Variants in CTNND2 observed in about 807,000 individuals in gnomAD.
CTNND2 encodes catenin delta 2.
CTNND2 carries 22 observed loss-of-function variants against 144.4 expected under a neutral mutation model. The ratio of observed to expected loss-of-function variants is 0.15; its 90% CI spans 0.11 to 0.22. The LOEUF (loss-of-function observed/expected upper bound fraction) is 0.22, where lower values mean the gene tolerates loss of function less well. CTNND2 is among the 10% of genes least tolerant of loss of function. The pLI, the probability that CTNND2 is intolerant of heterozygous loss-of-function variation, is 1.00. For missense variants in CTNND2, 1,353 were observed against 1,618.8 expected (o/e 0.84, Z 2.82); for synonymous variants, 751 against 695.6 (o/e 1.08, Z -1.25).
At chr5:11,508,367 T>A (rs1054441558) in intron 3 of CTNND2, 1 of 152,166 alleles carries the variant, frequency 6.6e-6, no homozygotes, top group African/African-American at 2.4e-5. Flanking sequence ...AAGCAAACAA[T>A]TGCCATGTTC....
intron 3 of CTNND2, among the ~76,000 whole-genome samples, chr5:11,502,534 T>C (rs1770640978): frequency 6.6e-6 from 1 of 152,218 alleles, no homozygotes; most frequent in South Asian, 2.1e-4. Flanking sequence ...AAATTATTAA[T>C]ATATGTGTAT....
intron 1 of CTNND2, among the ~76,000 whole-genome samples, chr5:11,877,622 CTTTCA>C (rs1735662446): frequency 6.6e-6 from 1 of 152,014 alleles, no homozygotes. Flanking sequence ...TATTGAGAAG[CTTTCA>C]TTTCATATTA....
At chr5:11,285,817 T>C (rs1257205755) in intron 9 of CTNND2, among the ~76,000 whole-genome samples, 5 of 152,214 alleles carry the variant, frequency 3.3e-5, no homozygotes, top group African/African-American at 1.2e-4. Flanking sequence ...GGTTGAGAGT[T>C]AAAAGCCAGG....
intron 5 of CTNND2, among the ~76,000 whole-genome samples, chr5:11,409,112 T>C (rs1473222674): frequency 1.3e-5 from 2 of 152,064 alleles, no homozygotes; most frequent in Non-Finnish European, 2.9e-5. Context: ...CTGTTTTTAC[T>C]AAAAAATGTT....
At chr5:11,186,143 C>T (rs553219411) in intron 11 of CTNND2, among the ~76,000 whole-genome samples, 3 of 152,350 alleles carry the variant, frequency 2.0e-5, no homozygotes, top group African/African-American at 4.8e-5. Context: ...TCTCACGTCA[C>T]CAGCCCTAAT....
At chr5:11,365,233 G>T (rs1756863418) in intron 7 of CTNND2, among the ~76,000 whole-genome samples, 1 of 152,200 alleles carries the variant, frequency 6.6e-6, no homozygotes. Flanking sequence ...CTAAAAATCT[G>T]TTATTAGCCC....
chr5:11,507,887 C>T (rs1242514381), intron 3 of CTNND2, among the ~76,000 whole-genome samples: 1 of 152,050 alleles, frequency 6.6e-6, no homozygotes, highest in Non-Finnish European at 1.5e-5. Flanking sequence ...GCACAATGTT[C>T]CAAAATACTC....
intron 1 of CTNND2, among the ~76,000 whole-genome samples, chr5:11,797,305 T>C (rs1052852359): frequency 4.6e-5 from 7 of 152,190 alleles, no homozygotes; most frequent in African/African-American, 1.7e-4. Flanking sequence ...TGTCACAGCC[T>C]GGCACTTGCC....
In CTNND2 at chr5:10,973,784, C is replaced by T; in HGVS notation, c.3418-71G>A. 1.3e-6 allele frequency: 2 copies of T among 1,489,242 alleles called. No individual in the cohort carries two copies. The highest frequency in any genetic ancestry group is 9.0e-7 in the Non-Finnish European group (1 of 1,114,476). 92.3% of individuals were successfully genotyped at this position (1,489,242 alleles called of 1,614,324 possible). On this transcript the variant is annotated intron_variant, in intron 21 of 21. Coordinates refer to ENST00000304623, the MANE Select transcript of CTNND2 (RefSeq NM_001332.4). This position sits in a 1 kb window ranked among gnomAD's most constrained non-coding sequence, Gnocchi z 5.6. ...ACTCAGCCTGCCTCTTGCCCCGGCACCCAACTCTCCTTCAAAGAATAGGCT... is the reference window on the plus strand; with the variant it reads ...ACTCAGCCTGCCTCTTGCCCCGGCATCCAACTCTCCTTCAAAGAATAGGCT...
At chr5:11,399,237 TC>T (rs545508003) in intron 5 of CTNND2, among the ~76,000 whole-genome samples, 2 of 151,806 alleles carry the variant, frequency 1.3e-5, no homozygotes, top group African/African-American at 4.8e-5. Flanking sequence ...CAGCCTCTCC[TC>T]CCCCCTTGAG....
intron 3 of CTNND2, among the ~76,000 whole-genome samples, chr5:11,480,580 T>A (rs1014331874): frequency 6.6e-6 from 1 of 152,110 alleles, no homozygotes; most frequent in African/African-American, 2.4e-5. Flanking sequence ...GAAATTACTT[T>A]GACATGTTTC....
rs61749807 is a variant in CTNND2, at chr5:11,394,962, A to G, written c.612+2069T>C. The stretch of plus-strand genomic sequence containing the variant: ...TTATTGACCATACTCACTTGGTCTG[A>G]CATCTGTTAGCCATCGTTTGAATTA... On this transcript the variant is annotated intron_variant, in intron 6 of 21. Coordinates refer to ENST00000304623, the MANE Select transcript of CTNND2 (RefSeq NM_001332.4). 9.6e-3 allele frequency among the ~76,000 whole-genome samples: 1,467 copies of G among 152,342 alleles called. 20 individuals are homozygous for G. Among genetic ancestry groups the G allele is most frequent in the African/African-American group, 0.033 (1,392 of 41,582 alleles).
At chr5:11,058,508 A>G (rs567196592) in intron 16 of CTNND2, among the ~76,000 whole-genome samples, 1 of 152,342 alleles carries the variant, frequency 6.6e-6, no homozygotes, top group Admixed American at 6.5e-5. Context: ...TAGATTTCAG[A>G]AGATGCATGG....
chr5:11,895,867 AT>A (rs1737356904), intron 1 of CTNND2, among the ~76,000 whole-genome samples: 1 of 152,206 alleles, frequency 6.6e-6, no homozygotes, highest in East Asian at 1.9e-4. Context: ...CCTCAGGAAT[AT>A]TAATAGAGAA....
At chr5:11,156,813 GAAGT>G (rs557826510) in intron 12 of CTNND2, among the ~76,000 whole-genome samples, 33 of 152,192 alleles carry the variant, frequency 2.2e-4, no homozygotes, top group Non-Finnish European at 2.9e-4. Flanking sequence ...GGAAGAATTT[GAAGT>G]AAGAAAGAAG....
At chr5:11,005,729 A>G (rs184980712) in intron 18 of CTNND2, among the ~76,000 whole-genome samples, 1 of 152,346 alleles carries the variant, frequency 6.6e-6, no homozygotes, top group East Asian at 1.9e-4. Context: ...CACTGGATGT[A>G]TGGACAGTTA....
chr5:11,804,153 C>T lies in CTNND2; in HGVS notation c.38-71881G>A, dbSNP rs114885820. ...TACACATTAAAACAATCATGAGATA[C>T]ACTATACAACTATTAGAATGGCTAA... On this transcript the variant is annotated intron_variant, in intron 1 of 21. Coordinates refer to ENST00000304623, the MANE Select transcript of CTNND2 (RefSeq NM_001332.4). Among the ~76,000 whole-genome samples, 973 of 152,204 alleles carry T rather than the reference C, an allele frequency of 6.4e-3. 18 individuals carry two copies. The highest frequency in any genetic ancestry group is 0.022 in the African/African-American group (921 of 41,530).
At chr5:11,868,744 G>GA (rs964057142) in intron 1 of CTNND2, among the ~76,000 whole-genome samples, 13 of 152,018 alleles carry the variant, frequency 8.6e-5, no homozygotes, top group Admixed American at 2.6e-4. Context: ...GTAAGAAGAG[G>GA]AAAAAAGACC....
In CTNND2 at chr5:11,241,308, C is replaced by T. The variant is rs1191997949; in HGVS notation, c.1629-4485G>A. Among the ~76,000 whole-genome samples, 3 of 152,172 alleles carry T rather than the reference C, an allele frequency of 2.0e-5. No individual in the cohort carries two copies. The South Asian group carries it at 6.2e-4, about 31-fold the overall frequency. Reference sequence around the variant, plus strand: ...CTTAGACAACAATCTGTGAGGGTGACGTGAAGGTGCAACATTTATGGGGAG... The same window carrying T: ...CTTAGACAACAATCTGTGAGGGTGATGTGAAGGTGCAACATTTATGGGGAG... On this transcript the variant is annotated intron_variant, in intron 9 of 21. Coordinates refer to ENST00000304623, the MANE Select transcript of CTNND2 (RefSeq NM_001332.4).
Sources: allele counts gnomAD v4.1 joint callset (sites outside exome capture counted in the v4.1 genomes callset), GRCh38; gene constraint gnomAD v4.1.1; non-coding constraint Gnocchi (gnomAD v3.1); transcripts MANE v1.5; gene names NCBI Gene and HGNC (gene_info 2026-07-23, HGNC 2026-07-21).